Variants in ARHGEF33 observed in about 807,000 individuals in gnomAD.
The protein encoded by ARHGEF33 is DH and coiled-coil domain-containing protein ENSP00000381780.
A neutral mutation model predicts 101.9 loss-of-function variants in ARHGEF33; 72 were observed. That is an observed-to-expected ratio of 0.71 (90% confidence interval 0.58 to 0.86). The LOEUF is 0.86. Ranked by LOEUF, ARHGEF33 falls within the 40% of genes least tolerant of loss-of-function variation. The pLI, the probability that ARHGEF33 is intolerant of heterozygous loss-of-function variation, is 0.00. For synonymous variants in ARHGEF33, 499 were observed against 442.5 expected, an observed-to-expected ratio of 1.13 and a Z score of -1.60; for missense variants, 1,169 against 1,111.3, an observed-to-expected ratio of 1.05 and a Z score of -0.74.
In ARHGEF33 at chr2:38,960,604, C is replaced by G; in HGVS notation, c.2299C>G (p.Gln767Glu). The G allele has an allele frequency of 1.4e-6, 2 of 1,416,370 alleles. No individual in the cohort carries two copies. The highest frequency in any genetic ancestry group is 2.6e-5 in the South Asian group (2 of 78,304). The allele number at this position is 1,416,370 out of a possible 1,614,324, so 87.7% of individuals were successfully genotyped here. A position where few individuals can be genotyped will look rare whatever the true frequency, so the allele number is the denominator to read the frequency against. Residue 767 changes from glutamine (Q) to glutamate (E), a missense_variant, in exon 16 of 18, where the codon CAG becomes GAG. Transcript: ENST00000409978. ...CGCATCCAGGACCTTCTTCCCCCAA[C>G]AGAGGTCCCAAAGCGAAAAACAGAC... is the stretch of plus-strand genomic sequence containing the variant. ...RGASRTFFPQ[Q>E]RSQSEKQTYL... is the part of the protein sequence containing the mutation.
intron 10 of ARHGEF33, among the ~76,000 whole-genome samples, chr2:38,946,413 T>C (rs1465998527): frequency 6.8e-6 from 1 of 148,144 alleles, no homozygotes; most frequent in Non-Finnish European, 1.5e-5. Context: ...TTCATGTTAG[T>C]TATTTGCTAG....
intron 1 of ARHGEF33, among the ~76,000 whole-genome samples, chr2:38,892,427 G>A (rs1666027185): frequency 6.6e-6 from 1 of 151,350 alleles, no homozygotes; most frequent in African/African-American, 2.4e-5. Flanking sequence ...ACAGATAACT[G>A]GGGAAAAGTA....
chr2:38,899,597 A>G (rs900615394), intron 2 of ARHGEF33, among the ~76,000 whole-genome samples: 1 of 152,162 alleles, frequency 6.6e-6, no homozygotes, highest in Non-Finnish European at 1.5e-5. Flanking sequence ...CAAAGGGTAC[A>G]CATTTCAGTA....
At chr2:38,956,540 C>T (rs554310975) in intron 13 of ARHGEF33, among the ~76,000 whole-genome samples, 46 of 152,288 alleles carry the variant, frequency 3.0e-4, no homozygotes, top group African/African-American at 9.6e-4. Flanking sequence ...TGATGCCTGA[C>T]GTTCTCATCA....
rs1348446189 is a variant in ARHGEF33, at chr2:38,928,977, A to G, written c.146A>G (p.His49Arg). 1.9e-6 allele frequency: 3 copies of G among 1,551,526 alleles called. No homozygotes were observed. Among genetic ancestry groups the G allele is most frequent in the African/African-American group, 2.7e-5 (2 of 73,070 alleles). Residue 49 changes from histidine to arginine, a missense_variant, in exon 5 of 18, where the codon CAT becomes CGT. Physicochemically the swap from His to Arg is conservative, Grantham distance 29. Coordinates refer to ENST00000409978, the MANE Select transcript of ARHGEF33 (RefSeq NM_001145451.5). ...ATGCAAGAACTGTCAAGAATTCAAC[A>G]TGGAGAATATGCTTTGGAAGAAAAG... is the stretch of plus-strand genomic sequence containing the variant. ...EAMQELSRIQ[H>R]GEYALEEKVK...
At chr2:38,897,548 C>A (rs1354920271) in intron 2 of ARHGEF33, among the ~76,000 whole-genome samples, 1 of 152,016 alleles carries the variant, frequency 6.6e-6, no homozygotes, top group Non-Finnish European at 1.5e-5. Flanking sequence ...ATTATAGACT[C>A]CTTTGAGAAA....
intron 2 of ARHGEF33, among the ~76,000 whole-genome samples, chr2:38,919,059 T>A (rs550727977): frequency 3.3e-5 from 5 of 152,056 alleles, no homozygotes; most frequent in African/African-American, 1.2e-4. Flanking sequence ...AATAAATAAA[T>A]AAAATAAAAT....
At chr2:38,909,106 A>G (rs1297125314) in intron 2 of ARHGEF33, among the ~76,000 whole-genome samples, 1 of 152,100 alleles carries the variant, frequency 6.6e-6, no homozygotes, top group Non-Finnish European at 1.5e-5. Flanking sequence ...CAGTCTGGGG[A>G]GTGGACAGCC....
chr2:38,973,904 G>A lies in ARHGEF33; in HGVS notation c.*61G>A. The stretch of plus-strand genomic sequence containing the variant: ...GAGGATAAAAAGCTTGTATATATCT[G>A]TGTAGGAATATATATATATATCTAT... On this transcript the variant is annotated 3_prime_UTR_variant, in exon 18 of 18. Transcript: ENST00000409978. 4.8e-6 allele frequency: 6 copies of A among 1,250,522 alleles called. No individual in the cohort carries two copies. Among genetic ancestry groups the A allele is most frequent in the South Asian group, 1.9e-5 (1 of 53,560 alleles). The allele number at this position is 1,250,522 out of a possible 1,614,324, so 77.5% of individuals were successfully genotyped here. A position where few individuals can be genotyped will look rare whatever the true frequency, so the allele number is the denominator to read the frequency against.
At chr2:38,969,134 A>G (rs1424408524) in intron 17 of ARHGEF33, among the ~76,000 whole-genome samples, 3 of 152,202 alleles carry the variant, frequency 2.0e-5, no homozygotes, top group Non-Finnish European at 2.9e-5. Context: ...CTCTGAAGTC[A>G]GGCCTGTGGA....
intron 4 of ARHGEF33, 145 bp downstream of exon 4, chr2:38,921,568 C>T (rs1173844110): frequency 3.1e-6 from 2 of 649,914 alleles, no homozygotes; most frequent in East Asian, 2.8e-5. Flanking sequence ...GAGACAGGCA[C>T]CTCAGTGGGT....
At chr2:38,935,859 C>T (rs1667115898) in intron 8 of ARHGEF33, 25 bp downstream of exon 8, 1 of 1,527,628 alleles carries the variant, frequency 6.5e-7, no homozygotes, top group Non-Finnish European at 8.9e-7. Context: ...TCTTAGTTTT[C>T]TTTTCTTCCA....
intron 6 of ARHGEF33, among the ~76,000 whole-genome samples, chr2:38,930,718 C>A (rs559877723): frequency 6.6e-6 from 1 of 152,234 alleles, no homozygotes; most frequent in Admixed American, 6.5e-5. Context: ...CCCTGGAGAA[C>A]AGGTTGTTTT....
chr2:38,947,294 A>G (rs748387689), intron 10 of ARHGEF33, among the ~76,000 whole-genome samples: 4 of 152,244 alleles, frequency 2.6e-5, no homozygotes, highest in Non-Finnish European at 4.4e-5. Flanking sequence ...GCCTGTTTGA[A>G]GCCAGCCGTG....
At chr2:38,936,714 G>A in intron 8 of ARHGEF33, among the ~76,000 whole-genome samples, 1 of 152,084 alleles carries the variant, frequency 6.6e-6, no homozygotes, top group Middle Eastern at 3.4e-3. Flanking sequence ...GGTGGCTCAC[G>A]CCTGTAATCT....
chr2:38,943,667 TC>T (rs1374308761), intron 9 of ARHGEF33, among the ~76,000 whole-genome samples: 1 of 152,240 alleles, frequency 6.6e-6, no homozygotes, highest in Non-Finnish European at 1.5e-5. Flanking sequence ...CCTTGAGCTT[TC>T]CAGATGCTTC....
At chr2:38,894,901 T>C (rs957920082) in intron 1 of ARHGEF33, among the ~76,000 whole-genome samples, 2 of 152,202 alleles carry the variant, frequency 1.3e-5, no homozygotes, top group African/African-American at 2.4e-5. Flanking sequence ...CATGGCCTCT[T>C]ATATTCCTTT....
chr2:38,921,323 A>T (rs950630151), intron 3 of ARHGEF33, 51 bp from the exon 4 acceptor site: 3 of 1,100,002 alleles, frequency 2.7e-6, no homozygotes, highest in East Asian at 2.6e-5. Flanking sequence ...TCTGGAGGGG[A>T]TAGGGACAGA....
intron 9 of ARHGEF33, among the ~76,000 whole-genome samples, chr2:38,940,004 C>A (rs758598983): frequency 3.3e-5 from 5 of 152,176 alleles, no homozygotes; most frequent in Non-Finnish European, 7.4e-5. Context: ...GCTCCAGGTT[C>A]ATTTTTTTTC....
Sources: gnomAD v4.1 joint callset for allele counts (sites outside exome capture counted in the v4.1 genomes callset) on GRCh38, gnomAD v4.1.1 for gene constraint, MANE v1.5 for transcripts, NCBI Gene and HGNC (gene_info 2026-07-23, HGNC 2026-07-21) for gene names.